The following SENP6 variants were observed in gnomAD, a reference collection of about 807,000 sequenced individuals.
SENP6 encodes the protein sentrin-specific protease 6.
Under a neutral mutation model 134.5 loss-of-function variants are expected in SENP6, and 41 were observed. That is an observed-to-expected ratio of 0.30 (90% confidence interval 0.24 to 0.40). The LOEUF is 0.40. Among genes scored for constraint, SENP6 ranks in the 10% least tolerant of loss-of-function variants. The probability of loss-of-function intolerance (pLI) is 1.00; values close to 1 mark genes in which losing one functional copy is unlikely to be tolerated. For synonymous variants in SENP6, 395 were observed against 429.8 expected, an observed-to-expected ratio of 0.92 and a Z score of 1.00; for missense variants, 1,248 against 1,312.5, an observed-to-expected ratio of 0.95 and a Z score of 0.76.
intron 21 of SENP6, among the ~76,000 whole-genome samples, chr6:75,712,921 A>G (rs1222743383): frequency 1.3e-5 from 2 of 152,114 alleles, no homozygotes; most frequent in Non-Finnish European, 2.9e-5. Flanking sequence ...CCTGGGCAAC[A>G]TGGAAAAACC....
In SENP6 at chr6:75,629,299, T is replaced by TTTTTTA. The variant is rs1226708423; in HGVS notation, c.208-4270_208-4265dup. 3.3e-5 allele frequency among the ~76,000 whole-genome samples: 5 copies of TTTTTTA among 152,218 alleles called. No homozygotes were observed. In the South Asian group the frequency reaches 1.0e-3, roughly 32 times the overall value. The stretch of plus-strand genomic sequence containing the variant: ...CTTTTGCCAATACAGCCTTTTTTTA[T>TTTTTTA]TTTTTATTTTTATTTTTTTTGAGAC... On this transcript the variant is annotated intron_variant, in intron 3 of 23. Coordinates refer to ENST00000447266, the MANE Select transcript of SENP6 (RefSeq NM_015571.4).
intron 18 of SENP6, among the ~76,000 whole-genome samples, chr6:75,700,477 A>G (rs1403690485): frequency 6.6e-6 from 1 of 151,838 alleles, no homozygotes; most frequent in Non-Finnish European, 1.5e-5. Flanking sequence ...ATTATACTAT[A>G]TTTCATCAAT....
intron 23 of SENP6, 55 bp from the exon 24 acceptor site, chr6:75,715,330 G>A (rs1775969638): frequency 7.8e-7 from 1 of 1,278,516 alleles, no homozygotes; most frequent in Non-Finnish European, 1.1e-6. Flanking sequence ...TTCTGTGATT[G>A]AAATGAAAGG....
In SENP6 at chr6:75,718,090, G is replaced by T. The variant is rs1776088722; in HGVS notation, c.*2496G>T. 7.1e-6 allele frequency: 1 copy of T among 141,180 alleles called. No individual in the cohort carries two copies. The highest frequency in any genetic ancestry group is 1.6e-5 in the Non-Finnish European group (1 of 63,100). The allele number at this position is 141,180 out of a possible 1,614,324, so 8.7% of individuals were successfully genotyped here. A position where few individuals can be genotyped will look rare whatever the true frequency, so the allele number is the denominator to read the frequency against. On this transcript the variant is annotated 3_prime_UTR_variant, in exon 24 of 24. Coordinates refer to ENST00000447266, the MANE Select transcript of SENP6 (RefSeq NM_015571.4). The stretch of plus-strand genomic sequence containing the variant: ...GAGGTTTTATTTGAAAACATAAAAT[G>T]ATTCTCTAAATTACATCTTGTTTTA...
intron 5 of SENP6, among the ~76,000 whole-genome samples, chr6:75,636,594 A>G (rs947513249): frequency 8.5e-4 from 130 of 152,336 alleles, no homozygotes; most frequent in African/African-American, 3.0e-3. Context: ...AAATGATTAC[A>G]TGCATGGTTA....
chr6:75,633,746 C>T lies in SENP6; in HGVS notation c.353+20C>T, dbSNP rs1582718913. ...ATTGAGGTATAGGCACTTCACCACACATTCCTACAGAAAAGATAAAGGAAG... is the reference window on the plus strand; with the variant it reads ...ATTGAGGTATAGGCACTTCACCACATATTCCTACAGAAAAGATAAAGGAAG... On this transcript the variant is annotated intron_variant, in intron 4 of 23. Transcript: ENST00000447266. 7.0e-6 allele frequency: 11 copies of T among 1,578,058 alleles called. No homozygotes were observed. The East Asian group carries it at 2.5e-4, about 36-fold the overall frequency.
chr6:75,619,889 C>T (rs1164400886), intron 1 of SENP6, among the ~76,000 whole-genome samples: 3 of 151,896 alleles, frequency 2.0e-5, no homozygotes, highest in East Asian at 3.9e-4. Context: ...GCTGGGAGTT[C>T]GAGACCAGCC....
At chr6:75,643,183 CAT>C (rs1770160418) in intron 6 of SENP6, among the ~76,000 whole-genome samples, 1 of 152,058 alleles carries the variant, frequency 6.6e-6, no homozygotes, top group Admixed American at 6.6e-5. Context: ...AAATAATAAA[CAT>C]AAATAGAAAT....
intron 4 of SENP6, 113 bp from the exon 5 acceptor site, chr6:75,634,594 G>A: frequency 5.5e-6 from 3 of 549,228 alleles, no homozygotes; most frequent in Non-Finnish European, 3.1e-6. Flanking sequence ...TAAATTTTTT[G>A]TTGTTGTTGG....
chr6:75,703,687 A>G (rs1045573761), intron 19 of SENP6, among the ~76,000 whole-genome samples: 3 of 152,134 alleles, frequency 2.0e-5, no homozygotes, highest in African/African-American at 7.2e-5. Flanking sequence ...GCTTGAGCTC[A>G]GGGTGCTGAA....
At chr6:75,697,031 C>T (rs1275517829) in intron 17 of SENP6, among the ~76,000 whole-genome samples, 1 of 152,136 alleles carries the variant, frequency 6.6e-6, no homozygotes, top group Non-Finnish European at 1.5e-5. Context: ...GGCTATATTG[C>T]TTCATCTACC....
chr6:75,622,476 T>G (rs1179072698), intron 2 of SENP6, among the ~76,000 whole-genome samples: 1 of 152,120 alleles, frequency 6.6e-6, no homozygotes, highest in Non-Finnish European at 1.5e-5. Context: ...GGAGAATCAC[T>G]TGAACCCGGG....
intron 2 of SENP6, among the ~76,000 whole-genome samples, chr6:75,623,480 C>T (rs1203057014): frequency 6.6e-6 from 1 of 152,132 alleles, no homozygotes; most frequent in Non-Finnish European, 1.5e-5. Context: ...TTAGCTAAGG[C>T]TTTCTTTCCT....
chr6:75,631,645 C>T (rs879781565), intron 3 of SENP6, among the ~76,000 whole-genome samples: 6 of 152,124 alleles, frequency 3.9e-5, no homozygotes, highest in African/African-American at 7.2e-5. Context: ...TGGAAAACAG[C>T]CATGCTTATT....
At chr6:75,612,017 A>G (rs1006485582) in intron 1 of SENP6, 6 of 152,206 alleles carry the variant, frequency 3.9e-5, no homozygotes, top group East Asian at 1.9e-4. Context: ...GTGATCTATT[A>G]GTTTGTCTTC....
At chr6:75,633,747 A>AT (rs981185371) in intron 4 of SENP6, 21 bp downstream of exon 4, 4 of 1,571,982 alleles carry the variant, frequency 2.5e-6, no homozygotes, top group Non-Finnish European at 3.4e-6. Context: ...TTCACCACAC[A>AT]TTCCTACAGA....
At chr6:75,642,900 G>C (rs1199211510) in intron 6 of SENP6, among the ~76,000 whole-genome samples, 2 of 152,168 alleles carry the variant, frequency 1.3e-5, no homozygotes, top group Non-Finnish European at 2.9e-5. Flanking sequence ...TCTAGGAGTT[G>C]GGGAGGTAGA....
intron 4 of SENP6, 101 bp downstream of exon 4, chr6:75,633,827 A>C: frequency 9.8e-7 from 1 of 1,018,802 alleles, no homozygotes; most frequent in Non-Finnish European, 1.4e-6. Flanking sequence ...TTTTCTTCTG[A>C]ATTTGTCTAT....
intron 21 of SENP6, among the ~76,000 whole-genome samples, 192 bp from the exon 22 acceptor site, chr6:75,713,321 A>G (rs2149908738): frequency 6.6e-6 from 1 of 152,164 alleles, no homozygotes; most frequent in East Asian, 1.9e-4. Context: ...ATCCATAGAT[A>G]TTTAAGTATT....
Sources: allele counts gnomAD v4.1 joint callset (sites outside exome capture counted in the v4.1 genomes callset), GRCh38; gene constraint gnomAD v4.1.1; transcripts MANE v1.5; gene names NCBI Gene and HGNC (gene_info 2026-07-23, HGNC 2026-07-21).